The following STAB2 variants were observed in gnomAD, a reference collection of about 807,000 sequenced individuals.
STAB2 encodes stabilin 2.
STAB2 carries 288 observed loss-of-function variants against 338.1 expected under a neutral mutation model. That is an observed-to-expected ratio of 0.85 (90% CI 0.77 to 0.94). The LOEUF is 0.94. STAB2 is among the 40% of genes least tolerant of loss of function. STAB2 has a pLI of 0.00. For synonymous variants in STAB2, 1,202 were observed against 1,193.3 expected (o/e 1.01, Z -0.15); for missense variants, 3,141 against 3,210.1 (o/e 0.98, Z 0.52).
At chr12:103,587,699 T>A in intron 1 of STAB2, 142 bp downstream of exon 1, 1 of 705,008 alleles carries the variant, frequency 1.4e-6, no homozygotes, top group Non-Finnish European at 2.3e-6. Context: ...GACTAAGTCC[T>A]AATTGTGATG....
At chr12:103,745,428 G>C in intron 57 of STAB2, 151 bp downstream of exon 57, 1 of 662,714 alleles carries the variant, frequency 1.5e-6, no homozygotes, top group Non-Finnish European at 2.5e-6. Flanking sequence ...CTGTAGCCCC[G>C]GGCCTCAGGA....
chr12:103,732,654 A>C (rs982974586), intron 50 of STAB2, among the ~76,000 whole-genome samples: 2 of 152,018 alleles, frequency 1.3e-5, no homozygotes, highest in African/African-American at 4.8e-5. Context: ...AAAATACCAA[A>C]ATGTGCAGAG....
At chr12:103,593,676 T>C (rs956397141) in intron 2 of STAB2, among the ~76,000 whole-genome samples, 24 of 152,222 alleles carry the variant, frequency 1.6e-4, no homozygotes, top group African/African-American at 5.3e-4. Context: ...GAATTCATCA[T>C]CATGTTATTC....
chr12:103,705,506 C>T, intron 36 of STAB2, 126 bp from the exon 37 acceptor site: 1 of 726,256 alleles, frequency 1.4e-6, no homozygotes, highest in Non-Finnish European at 2.3e-6. Flanking sequence ...GCCAACAAGC[C>T]ACCACCTTCT....
intron 5 of STAB2, among the ~76,000 whole-genome samples, chr12:103,630,556 C>A (rs1957444001): frequency 6.6e-6 from 1 of 152,206 alleles, no homozygotes; most frequent in Admixed American, 6.5e-5. Flanking sequence ...AGGTTGCTAA[C>A]TGGCTGGCTT....
chr12:103,669,340 C>T (rs1875493785), intron 20 of STAB2: 2 of 578,382 alleles, frequency 3.5e-6, no homozygotes, highest in South Asian at 4.1e-5. Flanking sequence ...GCCAGTCCAG[C>T]ACCCAGGGGA....
intron 63 of STAB2, chr12:103,757,866 G>A (rs900902843): frequency 2.6e-6 from 1 of 387,108 alleles, no homozygotes; most frequent in South Asian, 2.9e-5. Context: ...GAGTGAAGTG[G>A]GGGGCCACTG....
chr12:103,732,417 C>T (rs558701748), intron 50 of STAB2, among the ~76,000 whole-genome samples: 2 of 152,292 alleles, frequency 1.3e-5, no homozygotes, highest in Non-Finnish European at 2.9e-5. Flanking sequence ...AGGAGCAGGC[C>T]AAGCATCTTT....
chr12:103,612,618 G>A (rs1298114721), intron 3 of STAB2, among the ~76,000 whole-genome samples: 1 of 152,064 alleles, frequency 6.6e-6, no homozygotes, highest in Non-Finnish European at 1.5e-5. Flanking sequence ...TAACTTCTTT[G>A]CCATGGGTTC....
intron 19 of STAB2, among the ~76,000 whole-genome samples, chr12:103,667,243 A>G (rs1199565709): frequency 1.3e-5 from 2 of 152,336 alleles, no homozygotes; most frequent in African/African-American, 4.8e-5. Context: ...TAACAAAGGC[A>G]TTACCCCTGA....
chr12:103,732,940 C>T, intron 50 of STAB2, 66 bp from the exon 51 acceptor site: 1 of 1,564,234 alleles, frequency 6.4e-7, no homozygotes, highest in South Asian at 1.2e-5. Context: ...TCCTCAGAGA[C>T]AGAACCCCTG....
chr12:103,742,644 T>G, intron 56 of STAB2, 90 bp downstream of exon 56: 1 of 1,564,856 alleles, frequency 6.4e-7, no homozygotes, highest in Admixed American at 1.7e-5. Flanking sequence ...CCTGGAGGCA[T>G]CCTTTTGTCC....
intron 52 of STAB2, 118 bp downstream of exon 52, chr12:103,735,698 CATT>C: frequency 1.3e-6 from 1 of 794,836 alleles, no homozygotes; most frequent in Non-Finnish European, 1.9e-6. Flanking sequence ...ATAGCGGGCT[CATT>C]TTTTTTCTCA....
chr12:103,693,569 A>C (rs1463199127), intron 31 of STAB2, among the ~76,000 whole-genome samples: 1 of 152,214 alleles, frequency 6.6e-6, no homozygotes. Context: ...TCCTATCTGC[A>C]TTAATGCATC....
intron 4 of STAB2, among the ~76,000 whole-genome samples, chr12:103,621,531 G>A (rs914977091): frequency 3.9e-5 from 6 of 152,106 alleles, no homozygotes; most frequent in Non-Finnish European, 7.4e-5. Flanking sequence ...CCAGGAGTTC[G>A]AGACCAACCT....
At chr12:103,639,328 A>AG (rs143263679) in intron 8 of STAB2, among the ~76,000 whole-genome samples, 2 of 152,258 alleles carry the variant, frequency 1.3e-5, no homozygotes, top group East Asian at 3.9e-4. Context: ...CTTTGTGGGA[A>AG]GGGGCTTTCT....
rs1874106925 is a variant in STAB2, at chr12:103,655,452, G to T, written c.1609-4G>T. 1 of 1,613,668 alleles carries T rather than the reference G, an allele frequency of 6.2e-7. No individual in the cohort carries two copies. The stretch of plus-strand genomic sequence containing the variant: ...AGATACAAAATTTCATTTCCCAAAT[G>T]CAGGAAACCAATTTGGGACATGCCT... On this transcript the variant is annotated splice_polypyrimidine_tract_variant and splice_region_variant and intron_variant, in intron 14 of 68. Coordinates refer to ENST00000388887, the MANE Select transcript of STAB2 (RefSeq NM_017564.10).
chr12:103,749,482 C>G (rs1479145087), intron 59 of STAB2, among the ~76,000 whole-genome samples: 1 of 152,022 alleles, frequency 6.6e-6, no homozygotes, highest in East Asian at 1.9e-4. Flanking sequence ...GGAGAGTTTG[C>G]TCTTTGGCCA....
chr12:103,722,992 T>G (rs1465269318), intron 44 of STAB2, among the ~76,000 whole-genome samples: 1 of 152,182 alleles, frequency 6.6e-6, no homozygotes, highest in Non-Finnish European at 1.5e-5. Flanking sequence ...TAGTTAGTTG[T>G]TAGTACACTT....
Sources: allele counts gnomAD v4.1 joint callset (sites outside exome capture counted in the v4.1 genomes callset), GRCh38; gene constraint gnomAD v4.1.1; transcripts MANE v1.5; gene names NCBI Gene and HGNC (gene_info 2026-07-23, HGNC 2026-07-21).